Variants in GABRG1 observed in about 807,000 individuals in gnomAD.
The protein encoded by GABRG1 is gamma-aminobutyric acid receptor subunit gamma-1.
A neutral mutation model predicts 49.8 loss-of-function variants in GABRG1; 49 were observed. That is an observed-to-expected ratio of 0.98 (90% confidence interval 0.78 to 1.25). The LOEUF is 1.25. Ranked by LOEUF, GABRG1 falls within the 50% of genes most tolerant of loss-of-function variation. The pLI is 0.00. For synonymous variants in GABRG1, 232 were observed against 185.1 expected (o/e 1.25, Z -2.06); for missense variants, 552 against 552.3 (o/e 1.00, Z 0.01).
chr4:46,105,203 T>C (rs780470699), intron 1 of GABRG1, among the ~76,000 whole-genome samples: 7 of 151,278 alleles, frequency 4.6e-5, no homozygotes, highest in Non-Finnish European at 1.0e-4. Context: ...CCTGGGCAAA[T>C]TATTGATACA....
rs866659194 is a variant in GABRG1 at position 46,117,863 on chromosome 4, T to G, written c.104+5947A>C. 7.4e-3 allele frequency among the ~76,000 whole-genome samples: 456 copies of G among 62,038 alleles called. 22 individuals are homozygous for G. Among genetic ancestry groups the G allele is most frequent in the African/African-American group, 0.044 (425 of 9,770 alleles). 40.7% of individuals were successfully genotyped at this position (62,038 alleles called of 152,430 possible). A position where few individuals can be genotyped will look rare whatever the true frequency, so the allele number is the denominator to read the frequency against. On this transcript the variant is annotated intron_variant, in intron 1 of 8. Coordinates refer to ENST00000295452, the MANE Select transcript of GABRG1 (RefSeq NM_173536.4). ...GTATACATGTGTATCTATATACATA[T>G]ATACATATGTATACATGTGTATCTA...
intron 4 of GABRG1, 42 bp from the exon 5 acceptor site, chr4:46,064,565 T>C (rs1468825909): frequency 9.6e-7 from 1 of 1,039,202 alleles, no homozygotes. Context: ...AGATAAATAA[T>C]TTGAAGCATT....
At chr4:46,086,553 G>A (rs1478492239) in intron 2 of GABRG1, among the ~76,000 whole-genome samples, 3 of 151,320 alleles carry the variant, frequency 2.0e-5, no homozygotes, top group Non-Finnish European at 4.4e-5. Context: ...TCTAATCCTG[G>A]AGAGTTTTAT....
chr4:46,070,046 A>G (rs554315595), intron 3 of GABRG1, among the ~76,000 whole-genome samples: 1 of 152,116 alleles, frequency 6.6e-6, no homozygotes, highest in Non-Finnish European at 1.5e-5. Flanking sequence ...CAAGCCATAT[A>G]TAATGAAAAA....
chr4:46,078,538 C>T (rs1458345219), intron 3 of GABRG1, among the ~76,000 whole-genome samples: 4 of 151,914 alleles, frequency 2.6e-5, no homozygotes, highest in South Asian at 4.2e-4. Context: ...TATGGAATGC[C>T]GGAACCAATT....
intron 3 of GABRG1, among the ~76,000 whole-genome samples, chr4:46,082,284 T>A (rs1338099748): frequency 2.0e-5 from 3 of 151,758 alleles, no homozygotes; most frequent in Non-Finnish European, 4.4e-5. Flanking sequence ...CTAAATGGTC[T>A]TTTCTTGATA....
chr4:46,064,389 A>G lies in GABRG1; in HGVS notation c.625+52T>C, dbSNP rs372589701. The G allele has an allele frequency of 4.0e-4, 384 of 949,348 alleles. 7 individuals carry two copies. The South Asian group carries it at 6.0e-3, about 15-fold the overall frequency. The allele number at this position is 949,348 out of a possible 1,614,324, so 58.8% of individuals were successfully genotyped here. A position where few individuals can be genotyped will look rare whatever the true frequency, so the allele number is the denominator to read the frequency against. ...TTTCTTTCTTTTCATTTTTAAATAA[A>G]CAGCTTCTAAGGTTAAAATTCTATG... On this transcript the variant is annotated intron_variant, in intron 5 of 8. Transcript: ENST00000295452.
chr4:46,103,764 T>A (rs1219143808), intron 1 of GABRG1, among the ~76,000 whole-genome samples: 2 of 151,514 alleles, frequency 1.3e-5, no homozygotes, highest in Non-Finnish European at 3.0e-5. Context: ...TATTTCATAC[T>A]AATAAACACA....
chr4:46,090,138 A>G (rs937543392), intron 2 of GABRG1, among the ~76,000 whole-genome samples: 2 of 152,106 alleles, frequency 1.3e-5, no homozygotes, highest in African/African-American at 4.8e-5. Flanking sequence ...TATTTTGGAC[A>G]GAAAGCGATA....
At chr4:46,119,543 A>G (rs1167024025) in intron 1 of GABRG1, among the ~76,000 whole-genome samples, 1 of 151,420 alleles carries the variant, frequency 6.6e-6, no homozygotes, top group African/African-American at 2.4e-5. Context: ...TCTTCTCATT[A>G]GGTAATTTGG....
chr4:46,042,101 G>A (rs917506366), intron 8 of GABRG1, among the ~76,000 whole-genome samples: 1 of 151,840 alleles, frequency 6.6e-6, no homozygotes, highest in African/African-American at 2.4e-5. Context: ...AACATTGTAG[G>A]TTTGCTTGAT....
intron 5 of GABRG1, 109 bp downstream of exon 5, chr4:46,064,332 C>A (rs1718824547): frequency 3.4e-6 from 2 of 590,212 alleles, no homozygotes; most frequent in Non-Finnish European, 5.9e-6. Context: ...AAGAATTGAA[C>A]ATAACTCACA....
intron 2 of GABRG1, among the ~76,000 whole-genome samples, chr4:46,093,209 C>A (rs1331427066): frequency 2.0e-5 from 3 of 151,512 alleles, no homozygotes; most frequent in Non-Finnish European, 1.5e-5. Flanking sequence ...TGCTATTCAA[C>A]AGAAGGTGTA....
intron 5 of GABRG1, among the ~76,000 whole-genome samples, chr4:46,060,948 G>A (rs1172006093): frequency 6.6e-6 from 1 of 152,042 alleles, no homozygotes; most frequent in African/African-American, 2.4e-5. Flanking sequence ...TATTTGTTGT[G>A]AAATATTAGA....
intron 2 of GABRG1, among the ~76,000 whole-genome samples, chr4:46,096,452 GC>G (rs147135099): frequency 0.015 from 2,206 of 151,590 alleles, 54 homozygotes; most frequent in African/African-American, 0.051. Context: ...GAAATTCACT[GC>G]CCATATAGAT....
chr4:46,113,563 C>T (rs1422112575), intron 1 of GABRG1, among the ~76,000 whole-genome samples: 2 of 151,022 alleles, frequency 1.3e-5, no homozygotes, highest in African/African-American at 4.8e-5. Flanking sequence ...TTATAAAATC[C>T]TATACATAAA....
chr4:46,115,523 G>A (rs987010647), intron 1 of GABRG1, among the ~76,000 whole-genome samples: 2 of 150,622 alleles, frequency 1.3e-5, no homozygotes, highest in Admixed American at 6.6e-5. Context: ...GAAAAATAAA[G>A]TTGAGTAAAA....
At chr4:46,072,063 A>C (rs1719147695) in intron 3 of GABRG1, among the ~76,000 whole-genome samples, 1 of 151,930 alleles carries the variant, frequency 6.6e-6, no homozygotes, top group Non-Finnish European at 1.5e-5. Flanking sequence ...CAGGTATACC[A>C]TTTTTATCTT....
intron 5 of GABRG1, among the ~76,000 whole-genome samples, chr4:46,059,425 T>G (rs934379322): frequency 1.3e-5 from 2 of 151,890 alleles, no homozygotes; most frequent in Non-Finnish European, 2.9e-5. Flanking sequence ...CTCACTCTGT[T>G]GTCCAGGCTG....
Sources: allele counts gnomAD v4.1 joint callset (sites outside exome capture counted in the v4.1 genomes callset), GRCh38; gene constraint gnomAD v4.1.1; transcripts MANE v1.5; gene names NCBI Gene and HGNC (gene_info 2026-07-23, HGNC 2026-07-21).